HABP2: variants seen among roughly 807,000 people sequenced by gnomAD.
HABP2 encodes the protein factor VII-activating protease.
In HABP2, 65 loss-of-function variants were observed where a neutral mutation model predicts 66.5. That is an observed-to-expected ratio of 0.98 (90% CI 0.80 to 1.20). HABP2 has a LOEUF of 1.20. Ranked by LOEUF, HABP2 falls within the 50% of genes most tolerant of loss-of-function variation. The pLI is 0.00. For synonymous variants in HABP2, 263 were observed against 253.9 expected (o/e 1.04, Z -0.34); for missense variants, 786 against 691.0 (o/e 1.14, Z -1.54).
chr10:113,554,441 A>G (rs1195738929), intron 1 of HABP2, among the ~76,000 whole-genome samples: 2 of 152,206 alleles, frequency 1.3e-5, no homozygotes, highest in African/African-American at 4.8e-5. Flanking sequence ...TTTTCCGTCA[A>G]CTGTGCTCAG....
chr10:113,568,461 A>C (rs182713921), intron 2 of HABP2, among the ~76,000 whole-genome samples: 1 of 152,360 alleles, frequency 6.6e-6, no homozygotes, highest in East Asian at 1.9e-4. Context: ...GGATGGGCAG[A>C]AAGATGAGGC....
intron 7 of HABP2, among the ~76,000 whole-genome samples, chr10:113,580,087 T>C (rs939394445): frequency 7.1e-6 from 1 of 141,154 alleles, no homozygotes; most frequent in Non-Finnish European, 1.6e-5. Context: ...GCCATGAAGA[T>C]TTTTTTTTTT....
upstream of HABP2, among the ~76,000 whole-genome samples, chr10:113,552,350 T>C (rs1167595266): frequency 6.6e-6 from 1 of 152,180 alleles, no homozygotes; most frequent in African/African-American, 2.4e-5. Flanking sequence ...CCACACTTAA[T>C]AGGTAATTGC....
intron 1 of HABP2, among the ~76,000 whole-genome samples, chr10:113,564,317 G>A (rs747812259): frequency 5.8e-4 from 88 of 152,126 alleles, no homozygotes; most frequent in Non-Finnish European, 6.8e-4. Context: ...TTCAAGATGA[G>A]ATTTGGGTAG....
intron 12 of HABP2, among the ~76,000 whole-genome samples, chr10:113,586,819 C>T (rs561104587): frequency 1.3e-5 from 2 of 152,264 alleles, no homozygotes; most frequent in African/African-American, 4.8e-5. Flanking sequence ...GGGAGCCTCC[C>T]CGTACAAAGG....
intron 2 of HABP2, among the ~76,000 whole-genome samples, chr10:113,569,003 A>G (rs1253332279): frequency 6.6e-6 from 1 of 152,188 alleles, no homozygotes; most frequent in Non-Finnish European, 1.5e-5. Context: ...GAGTTAGCCA[A>G]TGTGCCCATA....
rs752684672 is a variant in HABP2, at chr10:113,574,414, C to A, written c.223+9C>A. The A allele has an allele frequency of 4.4e-6, 6 of 1,351,728 alleles. No homozygotes were observed. Among genetic ancestry groups the A allele is most frequent in the East Asian group, 2.3e-5 (1 of 43,634 alleles). The allele number at this position is 1,351,728 out of a possible 1,614,324, so 83.7% of individuals were successfully genotyped here. A position where few individuals can be genotyped will look rare whatever the true frequency, so the allele number is the denominator to read the frequency against. ...CACTGAGGACCAAGCTGGTAGGTAC[C>A]AAATCTCTTTCAGGGACTCTCCTGG... is the stretch of plus-strand genomic sequence containing the variant. On this transcript the variant is annotated intron_variant, in intron 3 of 12. Coordinates refer to ENST00000351270, the MANE Select transcript of HABP2 (RefSeq NM_004132.5).
At chr10:113,567,359 C>T in intron 1 of HABP2, 130 bp from the exon 2 acceptor site, 1 of 726,678 alleles carries the variant, frequency 1.4e-6, no homozygotes, top group Non-Finnish European at 2.5e-6. Flanking sequence ...CAACCTCTAG[C>T]CCAGCCACAA....
At chr10:113,554,929 C>T (rs1035301027) in intron 1 of HABP2, among the ~76,000 whole-genome samples, 7 of 152,234 alleles carry the variant, frequency 4.6e-5, no homozygotes, top group South Asian at 2.1e-4. Flanking sequence ...GCTTTCTTAC[C>T]CCAGATGTGT....
In HABP2 at chr10:113,580,600, C is replaced by A; in HGVS notation, c.746C>A (p.Pro249Gln). The change falls in exon 8 of 13, where the codon CCA becomes CAA. Residue 249 changes from proline to glutamine, a missense_variant. Transcript: ENST00000351270. ...GIGEHNFCRN[P>Q]DADEKPWCFI... ...TGTTTTGTTTTGTATTTTAGAAACC[C>A]AGATGCGGACGAAAAGCCCTGGTGC... 6.5e-7 allele frequency: 1 copy of A among 1,546,256 alleles called. No individual in the cohort carries two copies. The highest frequency in any genetic ancestry group is 8.9e-7 in the Non-Finnish European group (1 of 1,118,102).
At chr10:113,578,861 A>G in intron 7 of HABP2, 63 bp downstream of exon 7, 1 of 1,075,246 alleles carries the variant, frequency 9.3e-7, no homozygotes, top group South Asian at 1.3e-5. Context: ...AGATCATTGA[A>G]ATTCATCAGC....
rs751178357 is a variant in HABP2, at chr10:113,578,670, G to A, written c.612G>A (p.Gly204=). The change falls in exon 7 of 13, where the codon GGG becomes GGA. Residue 204 remains glycine, a synonymous_variant. Transcript: ENST00000351270. Reference sequence around the variant, plus strand: ...TTGGCGATGGCTACTCTTACCGAGGGAAAATGAATAGGACAGTCAACCAGC... The same window carrying A: ...TTGGCGATGGCTACTCTTACCGAGGAAAAATGAATAGGACAGTCAACCAGC... ...CYVGDGYSYR[G]KMNRTVNQHA... The A allele has an allele frequency of 6.2e-7, 1 of 1,612,832 alleles. No homozygotes were observed. Among genetic ancestry groups the A allele is most frequent in the Admixed American group, 1.7e-5 (1 of 59,994 alleles).
In HABP2 at chr10:113,578,800, T is replaced by C. The variant is rs201309699; in HGVS notation, c.740+2T>C. 3 of 1,595,654 alleles carry C rather than the reference T, an allele frequency of 1.9e-6. No individual in the cohort carries two copies. Among genetic ancestry groups the C allele is most frequent in the Non-Finnish European group, 2.6e-6 (3 of 1,163,540 alleles). Reference sequence around the variant, plus strand: ...GATTGGGGAACACAATTTCTGCAGGTAACATTTACCTTATTTATGCTCAGT... The same window carrying C: ...GATTGGGGAACACAATTTCTGCAGGCAACATTTACCTTATTTATGCTCAGT... On this transcript the variant is annotated splice_donor_variant, in intron 7 of 12. Transcript: ENST00000351270. LOFTEE classifies it high-confidence loss of function.
chr10:113,575,803 G>C lies in HABP2; in HGVS notation c.224-94G>C, dbSNP rs903431862. ...TGGCTCAGTAGTTACTCTCTCATTTGGGGCAGGAGACTGAAATTTGATGAA... is the reference window on the plus strand; with the variant it reads ...TGGCTCAGTAGTTACTCTCTCATTTCGGGCAGGAGACTGAAATTTGATGAA... On this transcript the variant is annotated intron_variant, in intron 3 of 12. Coordinates refer to ENST00000351270, the MANE Select transcript of HABP2 (RefSeq NM_004132.5). 16 of 710,594 alleles carry C rather than the reference G, an allele frequency of 2.3e-5. No individual in the cohort carries two copies. The African/African-American group carries it at 2.8e-4, about 13-fold the overall frequency. The allele number at this position is 710,594 out of a possible 1,614,324, so 44.0% of individuals were successfully genotyped here. A position where few individuals can be genotyped will look rare whatever the true frequency, so the allele number is the denominator to read the frequency against.
At position 113,589,232 on chromosome 10, in the gene HABP2, A is replaced by C. The variant is rs1845784379; in HGVS notation, c.*863A>C. Reference sequence around the variant, plus strand: ...CCCTCTTCTACCCTCCCCAAGAAAAAGGGCCTTCAAGGCAGGAATGAGAAA... The same window carrying C: ...CCCTCTTCTACCCTCCCCAAGAAAACGGGCCTTCAAGGCAGGAATGAGAAA... On this transcript the variant is annotated 3_prime_UTR_variant, in exon 13 of 13. Transcript: ENST00000351270. The C allele has an allele frequency of 1.6e-6, 1 of 612,418 alleles. No homozygotes were observed. The highest frequency in any genetic ancestry group is 1.8e-5 in the African/African-American group (1 of 54,096). 37.9% of individuals were successfully genotyped at this position (612,418 alleles called of 1,614,324 possible).
rs1845540288 is a variant in HABP2 at position 113,581,882 on chromosome 10, C to T, written c.845C>T (p.Ala282Val). The T allele has an allele frequency of 6.2e-7, 1 of 1,613,944 alleles. No homozygotes were observed. Among genetic ancestry groups the T allele is most frequent in the Admixed American group, 1.7e-5 (1 of 59,986 alleles). The change falls in exon 9 of 13, where the codon GCC becomes GTC. Residue 282 changes from alanine (A) to valine (V), a missense_variant. By Grantham distance (64) the Ala-to-Val change is moderately conservative (BLOSUM62 0). Transcript: ENST00000351270. Reference protein sequence around the residue: ...DVSACSAQDVAYPEESPTEPS... With the variant: ...DVSACSAQDVVYPEESPTEPS... Reference sequence around the variant, plus strand: ...TCTTTCTTGTGTCCCACAGACGTTGCCTACCCAGAGGAAAGCCCCACTGAG... The same window carrying T: ...TCTTTCTTGTGTCCCACAGACGTTGTCTACCCAGAGGAAAGCCCCACTGAG...
intron 12 of HABP2, 80 bp downstream of exon 12, chr10:113,586,018 G>A (rs1249002727): frequency 7.6e-7 from 1 of 1,318,980 alleles, no homozygotes; most frequent in African/African-American, 1.4e-5. Context: ...AGAGCCCTGG[G>A]CTGGGAGCTA....
intron 3 of HABP2, 51 bp downstream of exon 3, chr10:113,574,456 A>G (rs1282971575): frequency 1.1e-6 from 1 of 904,578 alleles, no homozygotes; most frequent in Admixed American, 1.8e-5. Flanking sequence ...GTCAGAGCGG[A>G]GTGTATGTGG....
chr10:113,577,923 A>C, intron 5 of HABP2, 103 bp from the exon 6 acceptor site: 1 of 1,392,284 alleles, frequency 7.2e-7, no homozygotes, highest in Non-Finnish European at 9.8e-7. Flanking sequence ...CTTTCGCGAA[A>C]GGATGGACAC....
Sources: allele counts gnomAD v4.1 joint callset (sites outside exome capture counted in the v4.1 genomes callset), GRCh38; gene constraint gnomAD v4.1.1; transcripts MANE v1.5; gene names NCBI Gene and HGNC (gene_info 2026-07-23, HGNC 2026-07-21).